CFAP299: variants seen among roughly 807,000 people sequenced by gnomAD.
The protein encoded by CFAP299 is cilia and flagella associated protein 299, also known as cilia- and flagella-associated protein 299.
A neutral mutation model predicts 27.0 loss-of-function variants in CFAP299; 21 were observed. The ratio of observed to expected loss-of-function variants is 0.78; its 90% CI spans 0.55 to 1.12. The LOEUF (loss-of-function observed/expected upper bound fraction) is 1.12, where lower values mean the gene tolerates loss of function less well. Ranked by LOEUF, CFAP299 falls within the 50% of genes most tolerant of loss-of-function variation. The pLI, the probability that CFAP299 is intolerant of heterozygous loss-of-function variation, is 0.00. For missense variants in CFAP299, 310 were observed against 276.6 expected, an observed-to-expected ratio of 1.12 and a Z score of -0.86; for synonymous variants, 104 against 98.1, an observed-to-expected ratio of 1.06 and a Z score of -0.36.
intron 3 of CFAP299, among the ~76,000 whole-genome samples, chr4:80,694,681 G>T (rs1408868225): frequency 1.3e-5 from 2 of 152,114 alleles, no homozygotes; most frequent in South Asian, 2.1e-4. Flanking sequence ...CTTTCAATAG[G>T]AATAATTGTA....
intron 2 of CFAP299, among the ~76,000 whole-genome samples, chr4:80,412,866 G>A (rs945117152): frequency 1.3e-5 from 2 of 152,098 alleles, no homozygotes; most frequent in African/African-American, 4.8e-5. Context: ...TCCTTAATGG[G>A]TATGCATCCT....
At chr4:80,864,359 T>A (rs945774622) in intron 3 of CFAP299, among the ~76,000 whole-genome samples, 2 of 149,786 alleles carry the variant, frequency 1.3e-5, no homozygotes, top group Non-Finnish European at 3.0e-5. Context: ...CCATTCTGGA[T>A]GCCACAATAG....
chr4:80,682,174 T>C (rs1719882756), intron 3 of CFAP299, among the ~76,000 whole-genome samples: 1 of 152,192 alleles, frequency 6.6e-6, no homozygotes. Flanking sequence ...TTTTCTAATG[T>C]CATCATCCAT....
intron 3 of CFAP299, among the ~76,000 whole-genome samples, chr4:80,637,637 A>G (rs527731665): frequency 6.6e-6 from 1 of 152,288 alleles, no homozygotes; most frequent in South Asian, 2.1e-4. Flanking sequence ...TAGCTACCCA[A>G]ATGAGAATAC....
At chr4:80,892,575 C>A (rs1357024343) in intron 4 of CFAP299, among the ~76,000 whole-genome samples, 1 of 152,014 alleles carries the variant, frequency 6.6e-6, no homozygotes, top group Non-Finnish European at 1.5e-5. Flanking sequence ...TATGAGTCAA[C>A]ATATGCAAAT....
intron 2 of CFAP299, among the ~76,000 whole-genome samples, chr4:80,464,233 A>G (rs1034745083): frequency 6.6e-6 from 1 of 152,158 alleles, no homozygotes; most frequent in Non-Finnish European, 1.5e-5. Context: ...GCTTGCTGCA[A>G]TATTTACTTA....
At chr4:80,487,644 A>G (rs1048047331) in intron 2 of CFAP299, among the ~76,000 whole-genome samples, 1 of 152,190 alleles carries the variant, frequency 6.6e-6, no homozygotes, top group East Asian at 1.9e-4. Context: ...CTGTGTGTGC[A>G]CCACAGGGAT....
chr4:80,444,568 T>C (rs1728520870), intron 2 of CFAP299, among the ~76,000 whole-genome samples: 1 of 152,042 alleles, frequency 6.6e-6, no homozygotes, highest in Non-Finnish European at 1.5e-5. Flanking sequence ...CCTAAAACCA[T>C]AAAAACCCTA....
intron 2 of CFAP299, among the ~76,000 whole-genome samples, chr4:80,404,976 G>A (rs1464596879): frequency 6.6e-6 from 1 of 152,124 alleles, no homozygotes; most frequent in African/African-American, 2.4e-5. Context: ...TAACCATTCT[G>A]ATGGGTGTGA....
intron 2 of CFAP299, among the ~76,000 whole-genome samples, chr4:80,444,829 C>G (rs755586398): frequency 1.3e-5 from 2 of 151,970 alleles, no homozygotes; most frequent in Non-Finnish European, 2.9e-5. Context: ...AACAAATTTA[C>G]AAGAAAAAAA....
chr4:80,525,235 A>G (rs1231959193), intron 2 of CFAP299, among the ~76,000 whole-genome samples: 3 of 152,168 alleles, frequency 2.0e-5, no homozygotes, highest in Non-Finnish European at 2.9e-5. Context: ...CAAAGGCCTT[A>G]CCTGCACTCA....
Position 80,668,158 on chromosome 4 carries a change from A to T in CFAP299, c.333+84975A>T, listed in dbSNP as rs78093290. 6.5e-4 allele frequency among the ~76,000 whole-genome samples: 97 copies of T among 149,766 alleles called. 1 individual carries two copies. The East Asian group carries it at 6.8e-3, about 11-fold the overall frequency. ...AGTTCTTTTGTTTGTTTTTAAATAA[A>T]TTTTTTTTTTTGCTAATTGTTCAAG... On this transcript the variant is annotated intron_variant, in intron 3 of 5. Coordinates refer to ENST00000358105, the MANE Select transcript of CFAP299 (RefSeq NM_152770.3).
At chr4:80,568,059 C>A (rs751764148) in intron 2 of CFAP299, among the ~76,000 whole-genome samples, 1 of 151,438 alleles carries the variant, frequency 6.6e-6, no homozygotes, top group Non-Finnish European at 1.5e-5. Flanking sequence ...GAAAAGATGA[C>A]TGGTGTAAAA....
chr4:80,934,774 T>C lies in CFAP299; in HGVS notation c.477-10036T>C, dbSNP rs185624615. Reference sequence around the variant, plus strand: ...TTTCTAACTTTCTTTGGGCATTCTCTCTTTTTTAAATTAGTCTACTTAAGG... The same window carrying C: ...TTTCTAACTTTCTTTGGGCATTCTCCCTTTTTTAAATTAGTCTACTTAAGG... On this transcript the variant is annotated intron_variant, in intron 4 of 5. Transcript: ENST00000358105. Among the ~76,000 whole-genome samples, 613 of 152,152 alleles carry C rather than the reference T, an allele frequency of 4.0e-3. 1 individual carries two copies. The highest frequency in any genetic ancestry group is 0.014 in the Middle Eastern group (4 of 294).
chr4:80,889,094 C>G (rs1734117575), intron 4 of CFAP299, among the ~76,000 whole-genome samples: 1 of 144,226 alleles, frequency 6.9e-6, no homozygotes, highest in South Asian at 2.2e-4. Context: ...AGAACAAGAG[C>G]AAACAAAACC....
In CFAP299 at chr4:80,749,704, G is replaced by A. The variant is rs190185382; in HGVS notation, c.334-120289G>A. 1.0e-3 allele frequency among the ~76,000 whole-genome samples: 159 copies of A among 152,292 alleles called. 1 individual carries two copies. The highest frequency in any genetic ancestry group is 3.5e-3 in the African/African-American group (147 of 41,560). ...TTTGAGGGCAGGAAGCATCCAGCAC[G>A]GGAGAAAGATGAAGACCGGAAGACT... On this transcript the variant is annotated intron_variant, in intron 3 of 5. Transcript: ENST00000358105.
chr4:80,436,933 A>G (rs1026104730), intron 2 of CFAP299, among the ~76,000 whole-genome samples: 1 of 152,200 alleles, frequency 6.6e-6, no homozygotes, highest in Non-Finnish European at 1.5e-5. Context: ...TCAAAGTGGC[A>G]TAAAAAATAA....
chr4:80,486,301 C>T (rs956855051), intron 2 of CFAP299, among the ~76,000 whole-genome samples: 1 of 152,122 alleles, frequency 6.6e-6, no homozygotes, highest in African/African-American at 2.4e-5. Context: ...CCCAGGGCTG[C>T]CTGCCTAGGG....
chr4:80,535,290 C>T (rs1022593836), intron 2 of CFAP299, among the ~76,000 whole-genome samples: 114 of 152,084 alleles, frequency 7.5e-4, no homozygotes, highest in African/African-American at 2.6e-3. Flanking sequence ...GGACCCTTCC[C>T]TCATTTTCCC....
Sources: gnomAD v4.1 joint callset for allele counts (sites outside exome capture counted in the v4.1 genomes callset) on GRCh38, gnomAD v4.1.1 for gene constraint, MANE v1.5 for transcripts, NCBI Gene and HGNC (gene_info 2026-07-23, HGNC 2026-07-21) for gene names.